MYO7A: variants seen among roughly 807,000 people sequenced by gnomAD.
MYO7A encodes the protein unconventional myosin-VIIa.
MYO7A carries 210 observed loss-of-function variants against 263.8 expected under a neutral mutation model. That is an observed-to-expected ratio of 0.80 (90% CI 0.71 to 0.89). The LOEUF is 0.89. Ranked by LOEUF, MYO7A falls within the 40% of genes least tolerant of loss-of-function variation. The pLI, the probability that MYO7A is intolerant of heterozygous loss-of-function variation, is 0.00. For synonymous variants in MYO7A, 1,239 were observed against 1,197.3 expected (o/e 1.03, Z -0.72); for missense variants, 2,820 against 2,968.3 (o/e 0.95, Z 1.16).
chr11:77,164,306 T>C (rs1259768258), intron 14 of MYO7A, among the ~76,000 whole-genome samples: 1 of 150,730 alleles, frequency 6.6e-6, no homozygotes, highest in Non-Finnish European at 1.5e-5. Flanking sequence ...ATGGGCTGTG[T>C]CTACCCTGAG....
At chr11:77,211,402 C>CA (rs1417708345) in intron 45 of MYO7A, 65 bp downstream of exon 45, 7 of 1,487,738 alleles carry the variant, frequency 4.7e-6, no homozygotes, top group African/African-American at 1.4e-5. Context: ...CCCCAGGGGC[C>CA]AAGGGGGCAG....
chr11:77,192,903 G>T lies in MYO7A; in HGVS notation c.4152+625G>T, dbSNP rs1956218374. Among the ~76,000 whole-genome samples the T allele has an allele frequency of 3.2e-5, 3 of 92,418 alleles. 1 individual carries two copies. Among genetic ancestry groups the T allele is most frequent in the African/African-American group, 1.8e-4 (3 of 16,954 alleles). 60.6% of individuals were successfully genotyped at this position (92,418 alleles called of 152,430 possible). Reference sequence around the variant, plus strand: ...TGGTGGAGGAGGTAGTGATGGTGTTGGTGATGGTGGAGGGTAGTGATGGTG... The same window carrying T: ...TGGTGGAGGAGGTAGTGATGGTGTTTGTGATGGTGGAGGGTAGTGATGGTG... On this transcript the variant is annotated intron_variant, in intron 31 of 48. Coordinates refer to ENST00000409709, the MANE Select transcript of MYO7A (RefSeq NM_000260.4).
intron 19 of MYO7A, among the ~76,000 whole-genome samples, chr11:77,178,712 T>C (rs1418266073): frequency 6.6e-6 from 1 of 152,266 alleles, no homozygotes; most frequent in Non-Finnish European, 1.5e-5. Flanking sequence ...AGTTGCCTCA[T>C]GTATAAACTG....
intron 37 of MYO7A, 97 bp downstream of exon 37, chr11:77,202,521 C>T (rs567837210): frequency 5.5e-6 from 8 of 1,445,576 alleles, no homozygotes; most frequent in South Asian, 5.4e-5. Context: ...GTGAAGCCCC[C>T]ACCTGTGAGC....
At chr11:77,152,063 G>A (rs781809867) in intron 4 of MYO7A, among the ~76,000 whole-genome samples, 7 of 152,246 alleles carry the variant, frequency 4.6e-5, no homozygotes, top group Admixed American at 6.5e-5. Context: ...GGAAGTAAAA[G>A]GGGTGATGGG....
intron 14 of MYO7A, among the ~76,000 whole-genome samples, chr11:77,164,147 G>A (rs1044468240): frequency 2.6e-5 from 4 of 152,162 alleles, no homozygotes; most frequent in Non-Finnish European, 5.9e-5. Context: ...TTGGGTTCAC[G>A]TTAAAGCTGG....
At chr11:77,203,343 C>G (rs1957206635) in intron 38 of MYO7A, 126 bp downstream of exon 38, 8 of 1,087,960 alleles carry the variant, frequency 7.4e-6, no homozygotes, top group Admixed American at 2.5e-5. Context: ...ATGGAGTACC[C>G]CCTCCCTTGC....
At chr11:77,214,290 C>T (rs1958031649) in intron 48 of MYO7A, among the ~76,000 whole-genome samples, 1 of 152,170 alleles carries the variant, frequency 6.6e-6, no homozygotes, top group South Asian at 2.1e-4. Context: ...ACAATGAGAC[C>T]TCCTTGACCA....
chr11:77,154,916 G>A (rs1952304821), intron 4 of MYO7A, among the ~76,000 whole-genome samples: 1 of 152,112 alleles, frequency 6.6e-6, no homozygotes, highest in African/African-American at 2.4e-5. Context: ...CGTGGCCACA[G>A]TAGGCTGAGG....
chr11:77,190,730 G>T lies in MYO7A; in HGVS notation c.3784G>T (p.Val1262Leu). 1 of 1,598,962 alleles carries T rather than the reference G, an allele frequency of 6.3e-7. No individual in the cohort carries two copies. Among genetic ancestry groups the T allele is most frequent in the Non-Finnish European group, 8.5e-7 (1 of 1,173,322 alleles). ...TKSKKPIMLPVTFMDGTTKTL... is the reference protein window; with the variant it reads ...TKSKKPIMLPLTFMDGTTKTL... ...GTCCAAGAAGCCAATCATGTTGCCC[G>T]TGACATTCATGGATGGGACCACCAA... The change falls in exon 30 of 49, where the codon GTG becomes TTG. Residue 1262 changes from valine to leucine, a missense_variant. Physicochemically the swap from Val to Leu is conservative, Grantham distance 32. Transcript: ENST00000409709.
chr11:77,209,705 T>C (rs1957735384), intron 44 of MYO7A, among the ~76,000 whole-genome samples: 1 of 152,226 alleles, frequency 6.6e-6, no homozygotes, highest in Non-Finnish European at 1.5e-5. Context: ...CTTCCCAACC[T>C]GGGTCAGTCT....
At chr11:77,205,005 G>A (rs1957346630) in intron 39 of MYO7A, among the ~76,000 whole-genome samples, 1 of 152,216 alleles carries the variant, frequency 6.6e-6, no homozygotes, top group Non-Finnish European at 1.5e-5. Context: ...GCTCAGAGTG[G>A]TGGCTGAAGG....
chr11:77,130,712 A>G, intron 2 of MYO7A, 60 bp downstream of exon 2: 1 of 1,584,666 alleles, frequency 6.3e-7, no homozygotes, highest in Non-Finnish European at 8.6e-7. Context: ...CCTCATCCAT[A>G]TGCTTACCCG....
rs760384287 is a variant in MYO7A, at chr11:77,199,833, G to T, written c.4852+15G>T. ...CCCCAACCCCGGTGAGTGGCTGCTG[G>T]TATGGACTGCCTGGCACTGGGGGTC... On this transcript the variant is annotated intron_variant, in intron 35 of 48. Transcript: ENST00000409709. The T allele has an allele frequency of 6.4e-7, 1 of 1,571,630 alleles. No homozygotes were observed. The highest frequency in any genetic ancestry group is 1.3e-5 in the African/African-American group (1 of 74,512).
chr11:77,148,026 A>G (rs1951707170), intron 4 of MYO7A, 76 bp downstream of exon 4: 3 of 1,283,548 alleles, frequency 2.3e-6, no homozygotes, highest in South Asian at 3.2e-5. Flanking sequence ...ACCCCGCCCG[A>G]CTTGCCTCCG....
In MYO7A at chr11:77,130,452, G is replaced by C; in HGVS notation, c.-46-137G>C. The C allele has an allele frequency of 6.2e-6, 4 of 643,190 alleles. No individual in the cohort carries two copies. The East Asian group carries it at 1.1e-4, about 18-fold the overall frequency. 39.8% of individuals were successfully genotyped at this position (643,190 alleles called of 1,614,324 possible). ...GGTCACACAGGCTGGGCAGTGGTCA[G>C]AGGGAGAGAAGCCAAGGAGGGTTCC... On this transcript the variant is annotated intron_variant, in intron 1 of 48. Coordinates refer to ENST00000409709, the MANE Select transcript of MYO7A (RefSeq NM_000260.4).
chr11:77,176,369 G>C (rs902208826), intron 18 of MYO7A, among the ~76,000 whole-genome samples: 1 of 152,238 alleles, frequency 6.6e-6, no homozygotes, highest in African/African-American at 2.4e-5. Context: ...CCATGTGCCA[G>C]GCCCTGGGTG....
chr11:77,214,673 C>A lies in MYO7A; in HGVS notation c.6625C>A (p.Arg2209=), dbSNP rs771103993. The part of the protein sequence containing the change: ...SQMLTAMSKQ[R]GSRSGK ...GATGCTCACAGCCATGAGCAAACAG[C>A]GGGGCTCCAGGAGCGGCAAGTGAAC... is the stretch of plus-strand genomic sequence containing the variant. The change falls in exon 49 of 49, where the codon CGG becomes AGG. Residue 2209 remains arginine (R), a synonymous_variant. Transcript: ENST00000409709. The A allele has an allele frequency of 1.3e-6, 2 of 1,583,880 alleles. No individual in the cohort carries two copies. Among genetic ancestry groups the A allele is most frequent in the Admixed American group, 3.6e-5 (2 of 55,350 alleles).
rs540209274 is a variant in MYO7A, at chr11:77,134,178, G to C, written c.18+3526G>C. ...ACTCCTGACCTAAAGTGATCTGCCT[G>C]CCTCAGCCTCCCAAACTGCTGGGAT... On this transcript the variant is annotated intron_variant, in intron 2 of 48. Transcript: ENST00000409709. 9.2e-5 allele frequency among the ~76,000 whole-genome samples: 14 copies of C among 152,310 alleles called. No homozygotes were observed. The South Asian group carries it at 2.9e-3, about 32-fold the overall frequency.
Sources: gnomAD v4.1 joint callset for allele counts (sites outside exome capture counted in the v4.1 genomes callset) on GRCh38, gnomAD v4.1.1 for gene constraint, MANE v1.5 for transcripts, NCBI Gene and HGNC (gene_info 2026-07-23, HGNC 2026-07-21) for gene names.